The following SARAF variants were observed in gnomAD, a reference collection of about 807,000 sequenced individuals.
SARAF encodes store-operated calcium entry associated regulatory factor, also known as store-operated calcium entry-associated regulatory factor.
A neutral mutation model predicts 39.7 loss-of-function variants in SARAF; 23 were observed. The observed-to-expected ratio is 0.58, with a 90% CI of 0.42 to 0.82. The LOEUF (loss-of-function observed/expected upper bound fraction) is 0.82. Ranked by LOEUF, SARAF falls within the 40% of genes least tolerant of loss-of-function variation. SARAF has a pLI of 0.00. For missense variants in SARAF, 384 were observed against 418.5 expected (o/e 0.92, Z 0.72); for synonymous variants, 175 against 168.5 (o/e 1.04, Z -0.30).
chr8:30,076,376 T>C lies in SARAF; in HGVS notation c.104-2321A>G, dbSNP rs111292701. The stretch of plus-strand genomic sequence containing the variant: ...GACTGGATGACTATTCCCTTGGTAA[T>C]CTAACCAAGAAGAAGTACCTAAATA... On this transcript the variant is annotated intron_variant, in intron 1 of 5. Coordinates refer to ENST00000256255, the MANE Select transcript of SARAF (RefSeq NM_016127.6). Among the ~76,000 whole-genome samples the C allele has an allele frequency of 2.9e-3, 442 of 152,288 alleles. 3 individuals are homozygous for C. The highest frequency in any genetic ancestry group is 0.01 in the African/African-American group (420 of 41,552).
intron 1 of SARAF, chr8:30,082,522 G>A (rs1340708001): frequency 4.0e-6 from 1 of 252,246 alleles, no homozygotes; most frequent in Non-Finnish European, 7.7e-6. Context: ...CAGATGCGCA[G>A]GTGAGTGTCC....
In SARAF at chr8:30,063,841, A is replaced by T. The variant is rs755812247; in HGVS notation, c.*47T>A. On this transcript the variant is annotated 3_prime_UTR_variant, in exon 6 of 6. Transcript: ENST00000256255. ...CTTTTTTTCTAAAGAGAAAGTGATG[A>T]AAAATCCAAAATTTCTGCATCCAGT... 1.9e-6 allele frequency: 3 copies of T among 1,589,670 alleles called. No homozygotes were observed.
In SARAF at chr8:30,083,010, A is replaced by AGC. The variant is rs1178735283; in HGVS notation, c.-63_-62dup. ...CCTACGGGCCGAACCTGGGTGCGGT[A>AGC]GCGCGCGCGACGCTGCGCAGCTACA... On this transcript the variant is annotated 5_prime_UTR_variant, in exon 1 of 6. Coordinates refer to ENST00000256255, the MANE Select transcript of SARAF (RefSeq NM_016127.6). 26 of 1,309,070 alleles carry AGC rather than the reference A, an allele frequency of 2.0e-5. No homozygotes were observed. In the East Asian group the frequency reaches 7.0e-4, roughly 35 times the overall value. 81.1% of individuals were successfully genotyped at this position (1,309,070 alleles called of 1,614,324 possible).
chr8:30,063,659 T>C lies in SARAF; in HGVS notation c.*229A>G. 1 of 554,722 alleles carries C rather than the reference T, an allele frequency of 1.8e-6. No individual in the cohort carries two copies. 34.4% of individuals were successfully genotyped at this position (554,722 alleles called of 1,614,324 possible). On this transcript the variant is annotated 3_prime_UTR_variant, in exon 6 of 6. Transcript: ENST00000256255. ...CACAGTAATGATCACTTTCAAAAAC[T>C]GCAATATACATCTGCATGTTACACT...
In SARAF at chr8:30,064,534, CATATAT is replaced by C. The variant is rs71204255; in HGVS notation, c.995-627_995-622del. Among the ~76,000 whole-genome samples, 20 of 78,230 alleles carry C rather than the reference CATATAT, an allele frequency of 2.6e-4. 1 individual carries two copies. The highest frequency in any genetic ancestry group is 1.8e-3 in the East Asian group (4 of 2,190). 51.3% of individuals were successfully genotyped at this position (78,230 alleles called of 152,430 possible). ...TTTCTGTCATGATGTCTTACCTAGCCATATATATATATATATATATATATATATTTT... is the reference window on the plus strand; with the variant it reads ...TTTCTGTCATGATGTCTTACCTAGCCATATATATATATATATATATATTTT... On this transcript the variant is annotated intron_variant, in intron 5 of 5. Transcript: ENST00000256255.
At chr8:30,064,236 G>A (rs1362783695) in intron 5 of SARAF, among the ~76,000 whole-genome samples, 4 of 152,050 alleles carry the variant, frequency 2.6e-5, no homozygotes, top group African/African-American at 7.2e-5. Context: ...GGCCAGTGGC[G>A]CATAAGCCAT....
intron 1 of SARAF, 124 bp from the exon 2 acceptor site, chr8:30,074,179 G>T: frequency 9.5e-7 from 1 of 1,047,684 alleles, no homozygotes; most frequent in Non-Finnish European, 1.3e-6. Context: ...GCTAAGAGAG[G>T]ATGAATCTAT....
At chr8:30,080,864 G>A (rs1428185908) in intron 1 of SARAF, among the ~76,000 whole-genome samples, 3 of 152,230 alleles carry the variant, frequency 2.0e-5, no homozygotes, top group Admixed American at 6.5e-5. Flanking sequence ...AAAGTGCCGG[G>A]TGCGGTGGCT....
chr8:30,072,314 T>C lies in SARAF; in HGVS notation c.282+1563A>G, dbSNP rs1585439353. Among the ~76,000 whole-genome samples, 4 of 152,344 alleles carry C rather than the reference T, an allele frequency of 2.6e-5. 1 individual carries two copies. Among genetic ancestry groups the C allele is most frequent in the Admixed American group, 2.6e-4 (4 of 15,300 alleles). On this transcript the variant is annotated intron_variant, in intron 2 of 5. Transcript: ENST00000256255. ...TTGTTTTCTTACTGAGTTGTAAGAG[T>C]TATTTTATATTCTAAATACAAGTCC...
Position 30,081,939 on chromosome 8 carries a change from T to TAA in SARAF, c.103+906_103+907dup, listed in dbSNP as rs35616448. ...AAACCCACTTATCATGTACCATCACTAAAAAAAACCGAGAAAATTATTTTT... is the reference window on the plus strand; with the variant it reads ...AAACCCACTTATCATGTACCATCACTAAAAAAAAAACCGAGAAAATTATTTTT... On this transcript the variant is annotated intron_variant, in intron 1 of 5. Coordinates refer to ENST00000256255, the MANE Select transcript of SARAF (RefSeq NM_016127.6). 2.6e-5 allele frequency among the ~76,000 whole-genome samples: 4 copies of TAA among 151,750 alleles called. No homozygotes were observed. In the East Asian group the frequency reaches 5.8e-4, roughly 22 times the overall value.
rs1454339023 is a variant in SARAF, at chr8:30,067,025, A to G, written c.701-107T>C. 12 of 1,130,026 alleles carry G rather than the reference A, an allele frequency of 1.1e-5. No homozygotes were observed. In the Middle Eastern group the frequency reaches 6.0e-4, roughly 57 times the overall value. The allele number at this position is 1,130,026 out of a possible 1,614,324, so 70.0% of individuals were successfully genotyped here. On this transcript the variant is annotated intron_variant, in intron 3 of 5. Transcript: ENST00000256255. ...ATTTCATCTGTACTGAATTATTAAT[A>G]ATACTCAGGCATCAAGTTATTAACA... is the stretch of plus-strand genomic sequence containing the variant.
intron 5 of SARAF, 52 bp downstream of exon 5, chr8:30,065,936 T>C: frequency 6.3e-7 from 1 of 1,578,948 alleles, no homozygotes; most frequent in Non-Finnish European, 8.6e-7. Context: ...GTTCCCAAAC[T>C]ATTTCTGTAC....
intron 1 of SARAF, among the ~76,000 whole-genome samples, chr8:30,077,525 C>T (rs903595439): frequency 6.6e-6 from 1 of 151,908 alleles, no homozygotes; most frequent in African/African-American, 2.4e-5. Flanking sequence ...AAAAAGAGGC[C>T]GGGCGTGGTG....
At chr8:30,083,176 A>T (rs547295626), upstream of SARAF, 20 of 442,560 alleles carry the variant, frequency 4.5e-5, no homozygotes, top group South Asian at 6.3e-4. Flanking sequence ...CCCCTGGAGC[A>T]CAGCGCGGCT....
rs1406747465 is a variant in SARAF, at chr8:30,063,926, G to A, written c.995-13C>T. The stretch of plus-strand genomic sequence containing the variant: ...GTACCACCATATCCTAGAATGAGAG[G>A]GGTAAAATTTACATTAGTTTTTAAA... On this transcript the variant is annotated splice_polypyrimidine_tract_variant and intron_variant, in intron 5 of 5. Coordinates refer to ENST00000256255, the MANE Select transcript of SARAF (RefSeq NM_016127.6). 1.3e-6 allele frequency: 2 copies of A among 1,534,192 alleles called. No homozygotes were observed. Among genetic ancestry groups the A allele is most frequent in the Non-Finnish European group, 8.9e-7 (1 of 1,124,422 alleles).
chr8:30,064,562 T>TATATA (rs1182365966), intron 5 of SARAF, among the ~76,000 whole-genome samples: 10 of 18,650 alleles, frequency 5.4e-4, no homozygotes, highest in African/African-American at 2.3e-3. Context: ...TATATATATA[T>TATATA]TTTTTTTTTT....
chr8:30,068,193 G>A (rs1477688548), intron 3 of SARAF, among the ~76,000 whole-genome samples: 2 of 152,160 alleles, frequency 1.3e-5, no homozygotes, highest in Non-Finnish European at 1.5e-5. Flanking sequence ...CAGCAAGCAA[G>A]CGACTGAAGC....
intron 5 of SARAF, among the ~76,000 whole-genome samples, 162 bp from the exon 6 acceptor site, chr8:30,064,075 G>A (rs1470780189): frequency 1.3e-5 from 2 of 150,526 alleles, no homozygotes; most frequent in African/African-American, 4.9e-5. Context: ...ACAGTGCATC[G>A]CCTCCCACAG....
At position 30,069,880 on chromosome 8, in the gene SARAF, GC is replaced by G; in HGVS notation, c.461del (p.Gly154AlafsTer20). 1 of 1,614,192 alleles carries G rather than the reference GC, an allele frequency of 6.2e-7. No individual in the cohort carries two copies. Among genetic ancestry groups the G allele is most frequent in the East Asian group, 2.2e-5 (1 of 44,880 alleles). On this transcript the variant is annotated frameshift_variant, in exon 3 of 6. Coordinates refer to ENST00000256255, the MANE Select transcript of SARAF (RefSeq NM_016127.6). LOFTEE classifies it high-confidence loss of function. ...AATAATAATCAGAGAAAGAGGCAAA[GC>G]CGTGCTGCTTTCCAGACTCCTTCAG... ...QKLKESGKQH[G>X]FASFSDYYYK...
Sources: allele counts gnomAD v4.1 joint callset (sites outside exome capture counted in the v4.1 genomes callset), GRCh38; gene constraint gnomAD v4.1.1; transcripts MANE v1.5; gene names NCBI Gene and HGNC (gene_info 2026-07-23, HGNC 2026-07-21).